The following B3GALT1 variants were observed in gnomAD, a reference collection of about 807,000 sequenced individuals.
The protein encoded by B3GALT1 is UDP-Gal:betaGlcNAc beta 1,3-galactosyltransferase, polypeptide 1.
Under a neutral mutation model 23.2 loss-of-function variants are expected in B3GALT1, and 10 were observed. The observed-to-expected ratio is 0.43, with a 90% CI of 0.27 to 0.73. The LOEUF (loss-of-function observed/expected upper bound fraction) is 0.73, where lower values mean the gene tolerates loss of function less well. Ranked by LOEUF, B3GALT1 falls within the 30% of genes least tolerant of loss-of-function variation. The pLI is 0.21. For synonymous variants in B3GALT1, 156 were observed against 141.5 expected, an observed-to-expected ratio of 1.10 and a Z score of -0.73; for missense variants, 299 against 405.4, an observed-to-expected ratio of 0.74 and a Z score of 2.25.
At position 167,476,678 on chromosome 2, in the gene B3GALT1, T is replaced by C. The variant is rs536582158; in HGVS notation, c.-510-13499T>C. ...CAAACTATAGATACTTCATTAGAAATAGAATTTGAAAATTCCATCCTCTAC... is the reference window on the plus strand; with the variant it reads ...CAAACTATAGATACTTCATTAGAAACAGAATTTGAAAATTCCATCCTCTAC... On this transcript the variant is annotated intron_variant, in intron 1 of 4. Transcript: ENST00000392690. Among the ~76,000 whole-genome samples the C allele has an allele frequency of 5.3e-5, 8 of 152,280 alleles. No individual in the cohort carries two copies. In the South Asian group the frequency reaches 1.4e-3, roughly 28 times the overall value.
chr2:167,702,224 C>T (rs1036946406), intron 3 of B3GALT1, among the ~76,000 whole-genome samples: 1 of 152,122 alleles, frequency 6.6e-6, no homozygotes, highest in Non-Finnish European at 1.5e-5. Context: ...GGTCACTCAG[C>T]AGCAACTCTG....
chr2:167,507,810 A>G (rs1699943849), intron 2 of B3GALT1, among the ~76,000 whole-genome samples: 1 of 152,220 alleles, frequency 6.6e-6, no homozygotes, highest in Admixed American at 6.5e-5. Flanking sequence ...TTGCAAGACA[A>G]ATCATAATTG....
intron 1 of B3GALT1, among the ~76,000 whole-genome samples, chr2:167,449,527 A>C (rs1450593489): frequency 3.9e-5 from 6 of 152,206 alleles, no homozygotes. Context: ...ATATATGATC[A>C]TATCATCAGC....
chr2:167,853,495 ATAGAT>A (rs1689943314), intron 4 of B3GALT1, among the ~76,000 whole-genome samples: 1 of 152,104 alleles, frequency 6.6e-6, no homozygotes, highest in South Asian at 2.1e-4. Context: ...TTTTTCCCAT[ATAGAT>A]TATAGTTAAT....
intron 1 of B3GALT1, among the ~76,000 whole-genome samples, chr2:167,403,420 C>T (rs1698225992): frequency 6.6e-6 from 1 of 151,686 alleles, no homozygotes; most frequent in Non-Finnish European, 1.5e-5. Context: ...TCCAGTCTAT[C>T]ATTGATGGGC....
At chr2:167,372,156 T>C (rs1234153631) in intron 1 of B3GALT1, among the ~76,000 whole-genome samples, 1 of 151,982 alleles carries the variant, frequency 6.6e-6, no homozygotes, top group Non-Finnish European at 1.5e-5. Flanking sequence ...TTATGTGGGA[T>C]TTAGCCCAAA....
At chr2:167,335,722 C>T (rs1467614603) in intron 1 of B3GALT1, among the ~76,000 whole-genome samples, 1 of 152,160 alleles carries the variant, frequency 6.6e-6, no homozygotes, top group East Asian at 1.9e-4. Context: ...GTGAGACAAC[C>T]AGAGTTCACT....
At chr2:167,570,772 G>T (rs932633650) in intron 2 of B3GALT1, among the ~76,000 whole-genome samples, 1 of 151,870 alleles carries the variant, frequency 6.6e-6, no homozygotes, top group African/African-American at 2.4e-5. Flanking sequence ...AATTTAAACA[G>T]TGTTCTGAAA....
intron 1 of B3GALT1, among the ~76,000 whole-genome samples, chr2:167,314,680 C>T (rs1696684838): frequency 6.6e-6 from 1 of 152,002 alleles, no homozygotes; most frequent in African/African-American, 2.4e-5. Context: ...TATGTGGACA[C>T]ATTTTTTTTC....
intron 2 of B3GALT1, among the ~76,000 whole-genome samples, chr2:167,568,906 A>G (rs1467819633): frequency 2.0e-5 from 3 of 151,932 alleles, no homozygotes; most frequent in Admixed American, 6.6e-5. Context: ...GAAAGGTACC[A>G]TAAGGTATGT....
chr2:167,836,840 T>C (rs943183881), intron 4 of B3GALT1, among the ~76,000 whole-genome samples: 11 of 152,140 alleles, frequency 7.2e-5, no homozygotes, highest in African/African-American at 1.2e-4. Context: ...CGGGAGAAAC[T>C]CTACAAGCCA....
At chr2:167,786,894 C>A (rs1688352225) in intron 3 of B3GALT1, among the ~76,000 whole-genome samples, 1 of 152,100 alleles carries the variant, frequency 6.6e-6, no homozygotes, top group Non-Finnish European at 1.5e-5. Flanking sequence ...ATTTAATTGG[C>A]TTGGAGGAGG....
At chr2:167,334,749 G>C (rs1283683794) in intron 1 of B3GALT1, among the ~76,000 whole-genome samples, 1 of 152,130 alleles carries the variant, frequency 6.6e-6, no homozygotes, top group Non-Finnish European at 1.5e-5. Flanking sequence ...GGGGAACACA[G>C]AGATGTTTTA....
At chr2:167,321,646 G>T (rs1228166005) in intron 1 of B3GALT1, among the ~76,000 whole-genome samples, 1 of 151,958 alleles carries the variant, frequency 6.6e-6, no homozygotes, top group African/African-American at 2.4e-5. Context: ...GTGCTGTCAA[G>T]ATTTTTCTTT....
At chr2:167,608,872 T>G (rs1685011763) in intron 2 of B3GALT1, among the ~76,000 whole-genome samples, 4 of 152,156 alleles carry the variant, frequency 2.6e-5, no homozygotes, top group Non-Finnish European at 5.9e-5. Context: ...AAGCCATATT[T>G]TTTGGTAAGC....
intron 2 of B3GALT1, among the ~76,000 whole-genome samples, chr2:167,581,286 A>G (rs927751526): frequency 2.0e-5 from 3 of 152,210 alleles, no homozygotes; most frequent in Admixed American, 6.5e-5. Flanking sequence ...TCAATATAAT[A>G]TATGAACTGT....
chr2:167,594,545 T>C (rs986293981), intron 2 of B3GALT1, among the ~76,000 whole-genome samples: 3 of 152,176 alleles, frequency 2.0e-5, no homozygotes, highest in African/African-American at 7.2e-5. Context: ...AGAGTGTTTT[T>C]TTAAACTTTC....
intron 3 of B3GALT1, among the ~76,000 whole-genome samples, chr2:167,791,551 A>G (rs1282378412): frequency 6.6e-6 from 1 of 152,186 alleles, no homozygotes; most frequent in Non-Finnish European, 1.5e-5. Flanking sequence ...AATTTTTGCT[A>G]TAGAATTTTA....
chr2:167,709,201 G>A (rs980671357), intron 3 of B3GALT1, among the ~76,000 whole-genome samples: 4 of 152,214 alleles, frequency 2.6e-5, no homozygotes, highest in African/African-American at 4.8e-5. Context: ...GCCATGGGCT[G>A]GCCTAGGCCC....
Sources: gnomAD v4.1 joint callset for allele counts (sites outside exome capture counted in the v4.1 genomes callset) on GRCh38, gnomAD v4.1.1 for gene constraint, MANE v1.5 for transcripts, NCBI Gene and HGNC (gene_info 2026-07-23, HGNC 2026-07-21) for gene names.